The following BMPER variants were observed in gnomAD, a reference collection of about 807,000 sequenced individuals.
BMPER encodes the protein BMP binding endothelial regulator.
In BMPER, 45 loss-of-function variants were observed where a neutral mutation model predicts 87.3. The observed-to-expected ratio is 0.52, with a 90% CI of 0.41 to 0.66. The LOEUF (loss-of-function observed/expected upper bound fraction) is 0.66. Among genes scored for constraint, BMPER ranks in the 30% least tolerant of loss-of-function variants. The pLI is 0.00. For missense variants in BMPER, 784 were observed against 867.5 expected (o/e 0.90, Z 1.21); for synonymous variants, 326 against 316.2 (o/e 1.03, Z -0.33).
intron 7 of BMPER, 71 bp from the exon 8 acceptor site, chr7:34,051,790 G>A: frequency 7.7e-7 from 1 of 1,297,480 alleles, no homozygotes; most frequent in East Asian, 2.3e-5. Flanking sequence ...GACCTATGAT[G>A]GAATCACCGA....
At chr7:33,928,556 T>C (rs1784412542) in intron 2 of BMPER, among the ~76,000 whole-genome samples, 1 of 151,076 alleles carries the variant, frequency 6.6e-6, no homozygotes, top group Non-Finnish European at 1.5e-5. Context: ...GACACTGCCC[T>C]GTTTTAAATC....
chr7:34,111,173 A>G (rs1231802211), intron 13 of BMPER, among the ~76,000 whole-genome samples: 1 of 152,194 alleles, frequency 6.6e-6, no homozygotes, highest in Non-Finnish European at 1.5e-5. Flanking sequence ...TTTTTTCGTA[A>G]GCGTTTATGG....
At chr7:33,981,977 C>T (rs1330100295) in intron 6 of BMPER, among the ~76,000 whole-genome samples, 1 of 152,206 alleles carries the variant, frequency 6.6e-6, no homozygotes, top group African/African-American at 2.4e-5. Flanking sequence ...GGGCCACTCA[C>T]TGTGGCAGAG....
At chr7:33,961,595 G>A (rs565422648) in intron 3 of BMPER, among the ~76,000 whole-genome samples, 1 of 152,322 alleles carries the variant, frequency 6.6e-6, no homozygotes, top group Admixed American at 6.5e-5. Flanking sequence ...AGGTAACTGG[G>A]AGAAAGCATC....
intron 6 of BMPER, among the ~76,000 whole-genome samples, chr7:34,037,108 C>T (rs1033331649): frequency 5.9e-5 from 9 of 151,784 alleles, no homozygotes; most frequent in Admixed American, 5.9e-4. Context: ...GGCTGAGGCA[C>T]GAAGATTGCT....
chr7:33,961,038 T>G (rs1193704053), intron 3 of BMPER, among the ~76,000 whole-genome samples: 1 of 152,156 alleles, frequency 6.6e-6, no homozygotes, highest in Non-Finnish European at 1.5e-5. Context: ...TTGGGTGACC[T>G]AGGTTTCCTT....
At chr7:33,920,922 A>G (rs559492510) in intron 2 of BMPER, among the ~76,000 whole-genome samples, 1 of 152,344 alleles carries the variant, frequency 6.6e-6, no homozygotes, top group Non-Finnish European at 1.5e-5. Flanking sequence ...TAGGTCAACT[A>G]CCGTTTACGT....
At chr7:34,022,635 C>T (rs937739291) in intron 6 of BMPER, among the ~76,000 whole-genome samples, 10 of 143,608 alleles carry the variant, frequency 7.0e-5, no homozygotes, top group African/African-American at 2.1e-4. Context: ...AAAGGGCCTG[C>T]GAGGTTAATT....
At chr7:33,992,002 TC>T (rs1370781913) in intron 6 of BMPER, among the ~76,000 whole-genome samples, 1 of 149,764 alleles carries the variant, frequency 6.7e-6, no homozygotes, top group Non-Finnish European at 1.5e-5. Context: ...TAATTTCTGT[TC>T]TTTTACATTT....
At chr7:33,993,594 C>T (rs1023364664) in intron 6 of BMPER, among the ~76,000 whole-genome samples, 13 of 151,954 alleles carry the variant, frequency 8.6e-5, no homozygotes, top group East Asian at 3.9e-4. Context: ...GTAATTTGAT[C>T]GTCTGAAGCC....
intron 6 of BMPER, among the ~76,000 whole-genome samples, chr7:33,981,131 A>C (rs1026853423): frequency 6.6e-6 from 1 of 152,028 alleles, no homozygotes; most frequent in Non-Finnish European, 1.5e-5. Flanking sequence ...GAACCTCTCC[A>C]TCCTTGCTAC....
intron 6 of BMPER, among the ~76,000 whole-genome samples, chr7:34,025,431 T>C (rs1787331740): frequency 1.3e-5 from 2 of 151,892 alleles, no homozygotes; most frequent in South Asian, 2.1e-4. Context: ...CCTGAGATGA[T>C]ATAGGGGATC....
chr7:34,127,565 C>G (rs1436671928), intron 13 of BMPER, among the ~76,000 whole-genome samples: 1 of 152,062 alleles, frequency 6.6e-6, no homozygotes, highest in East Asian at 1.9e-4. Context: ...GATGTTCCAT[C>G]AGAAACACAG....
At chr7:33,937,029 A>C (rs1784618818) in intron 2 of BMPER, among the ~76,000 whole-genome samples, 2 of 152,156 alleles carry the variant, frequency 1.3e-5, no homozygotes, top group South Asian at 4.1e-4. Flanking sequence ...CTCCCTTGGC[A>C]ATCGGTTATC....
At chr7:34,138,177 A>G (rs56800668) in intron 13 of BMPER, among the ~76,000 whole-genome samples, 6,216 of 152,182 alleles carry the variant, frequency 0.041, 270 homozygotes, top group African/African-American at 0.11. Context: ...CATGTGTCTA[A>G]TGGTTTCTGG....
intron 6 of BMPER, among the ~76,000 whole-genome samples, chr7:34,033,426 G>A (rs562142551): frequency 6.6e-6 from 1 of 152,166 alleles, no homozygotes; most frequent in South Asian, 2.1e-4. Flanking sequence ...AATGGATGAG[G>A]CTCTTTATAA....
intron 2 of BMPER, among the ~76,000 whole-genome samples, chr7:33,930,653 G>T (rs1353118601): frequency 2.0e-5 from 3 of 152,164 alleles, no homozygotes; most frequent in South Asian, 4.1e-4. Context: ...GATAAGCAAT[G>T]AAATCTCACT....
At chr7:34,039,728 G>A (rs1787785113) in intron 6 of BMPER, among the ~76,000 whole-genome samples, 1 of 151,748 alleles carries the variant, frequency 6.6e-6, no homozygotes. Context: ...GTATATATGT[G>A]TGTATATCTA....
intron 2 of BMPER, among the ~76,000 whole-genome samples, chr7:33,920,418 G>GTTTTTTTTTTTTTTTTTTTTTTTTT (rs879327540): frequency 1.0e-5 from 1 of 99,940 alleles, no homozygotes. Context: ...AAACTCCGTT[G>GTTTTTTTTTTTTTTTTTTTTTTTTT]TGTTTTTTTT....
Sources: allele counts gnomAD v4.1 joint callset (sites outside exome capture counted in the v4.1 genomes callset), GRCh38; gene constraint gnomAD v4.1.1; transcripts MANE v1.5; gene names NCBI Gene and HGNC (gene_info 2026-07-23, HGNC 2026-07-21).